SLC60A1: variants seen among roughly 807,000 people sequenced by gnomAD.
SLC60A1 encodes major facilitator superfamily domain containing 4.
the SLC60A1 span, among the ~76,000 whole-genome samples, chr1:205,578,846 C>T: frequency 6.6e-6 from 1 of 152,362 alleles, no homozygotes. Flanking sequence ...CCTCCAGAAC[C>T]TGCCTGCTGC....
chr1:205,576,040 G>A, the SLC60A1 span, among the ~76,000 whole-genome samples: 1 of 152,188 alleles, frequency 6.6e-6, no homozygotes, highest in Admixed American at 6.5e-5. Context: ...ATGAGGGACA[G>A]GACTCATGTC....
the SLC60A1 span, chr1:205,592,064 C>G: frequency 6.4e-7 from 1 of 1,574,062 alleles, no homozygotes; most frequent in Non-Finnish European, 8.7e-7. Context: ...CCAGGAGACG[C>G]CGACTCCTGG....
At chr1:205,577,299 AC>A in the SLC60A1 span, among the ~76,000 whole-genome samples, 24,526 of 152,028 alleles carry the variant, frequency 0.16, 2,028 homozygotes, top group South Asian at 0.19. The surrounding 1 kb of genome is among the most constrained non-coding windows in gnomAD (Gnocchi z 5.2). Context: ...AGTCCCTTCT[AC>A]CAGGCCACCC....
the SLC60A1 span, among the ~76,000 whole-genome samples, chr1:205,580,114 G>A: frequency 6.6e-6 from 1 of 152,166 alleles, no homozygotes; most frequent in Admixed American, 6.5e-5. This position sits in a 1 kb window ranked among gnomAD's most constrained non-coding sequence, Gnocchi z 5.0. Context: ...AGTGATCCCT[G>A]CCCTCACTGC....
chr1:205,597,875 G>A, the SLC60A1 span: 1 of 1,612,102 alleles, frequency 6.2e-7, no homozygotes, highest in South Asian at 1.1e-5. Flanking sequence ...GTAAGGGAGA[G>A]GGGAGCATTT....
chr1:205,586,030 A>G, the SLC60A1 span: 23 of 1,592,816 alleles, frequency 1.4e-5, no homozygotes, highest in Non-Finnish European at 2.0e-5. Flanking sequence ...CGGTCTCTCC[A>G]CAGGGTGCCT....
At chr1:205,586,526 C>T in the SLC60A1 span, among the ~76,000 whole-genome samples, 8 of 152,134 alleles carry the variant, frequency 5.3e-5, no homozygotes, top group Non-Finnish European at 7.4e-5. Flanking sequence ...TGGCTATGAG[C>T]GTGAGGAAAG....
the SLC60A1 span, chr1:205,583,954 G>T: frequency 6.2e-7 from 1 of 1,612,478 alleles, no homozygotes. Context: ...CTGCTCCCCA[G>T]CTTCCAGTGC....
chr1:205,574,902 C>T, the SLC60A1 span, among the ~76,000 whole-genome samples: 4 of 152,184 alleles, frequency 2.6e-5, no homozygotes, highest in African/African-American at 4.8e-5. Flanking sequence ...GTGGTCCTGC[C>T]GTAGCTTGGA....
the SLC60A1 span, among the ~76,000 whole-genome samples, chr1:205,569,617 G>A: frequency 5.3e-5 from 8 of 150,488 alleles, no homozygotes; most frequent in Non-Finnish European, 1.2e-4. Flanking sequence ...CCCACCCACC[G>A]CCCCGTGGGG....
the SLC60A1 span, among the ~76,000 whole-genome samples, chr1:205,571,777 A>T: frequency 6.6e-6 from 1 of 152,228 alleles, no homozygotes; most frequent in East Asian, 1.9e-4. Context: ...TGTCTCAGTT[A>T]AAATGCAATA....
the SLC60A1 span, among the ~76,000 whole-genome samples, chr1:205,570,226 C>G: frequency 6.6e-6 from 1 of 152,240 alleles, no homozygotes; most frequent in Non-Finnish European, 1.5e-5. Flanking sequence ...GCCAGATTCA[C>G]TCTCCCAGTG....
At chr1:205,580,516 C>T in the SLC60A1 span, 442 of 1,055,952 alleles carry the variant, frequency 4.2e-4, 2 homozygotes, top group Non-Finnish European at 5.7e-4. This position sits in a 1 kb window ranked among gnomAD's most constrained non-coding sequence, Gnocchi z 5.0. Flanking sequence ...CATTCCAGGG[C>T]TGGGCAACAG....
chr1:205,572,632 C>G, the SLC60A1 span, among the ~76,000 whole-genome samples: 4 of 152,128 alleles, frequency 2.6e-5, no homozygotes, highest in African/African-American at 9.7e-5. Context: ...GAACACAGGA[C>G]AAACCAGCTT....
At chr1:205,581,996 G>A in the SLC60A1 span, among the ~76,000 whole-genome samples, 11 of 152,200 alleles carry the variant, frequency 7.2e-5, no homozygotes, top group Non-Finnish European at 1.2e-4. This position sits in a 1 kb window ranked among gnomAD's most constrained non-coding sequence, Gnocchi z 4.2. Flanking sequence ...TCTACCTGCT[G>A]CCCCCTCATC....
At chr1:205,581,521 A>T in the SLC60A1 span, among the ~76,000 whole-genome samples, 1 of 152,164 alleles carries the variant, frequency 6.6e-6, no homozygotes, top group Non-Finnish European at 1.5e-5. This position sits in a 1 kb window ranked among gnomAD's most constrained non-coding sequence, Gnocchi z 4.2. Context: ...TGCTCTGCAA[A>T]CCCAAGTTGG....
At chr1:205,569,278 T>G in the SLC60A1 span, 1 of 1,545,502 alleles carries the variant, frequency 6.5e-7, no homozygotes, top group Non-Finnish European at 8.7e-7. Context: ...GGCAGCGCCC[T>G]CGGGGGCGTC....
the SLC60A1 span, among the ~76,000 whole-genome samples, chr1:205,589,050 G>C: frequency 1.4e-4 from 22 of 152,158 alleles, no homozygotes; most frequent in African/African-American, 4.8e-4. Flanking sequence ...AATAAGACTC[G>C]GGTGTCTTTC....
chr1:205,594,529 A>C, the SLC60A1 span, among the ~76,000 whole-genome samples: 4 of 151,670 alleles, frequency 2.6e-5, no homozygotes, highest in Non-Finnish European at 5.9e-5. Context: ...GGTGGCAGGC[A>C]CCTGTAATCC....
Sources: allele counts gnomAD v4.1 joint callset (sites outside exome capture counted in the v4.1 genomes callset), GRCh38; gene constraint gnomAD v4.1.1; non-coding constraint Gnocchi (gnomAD v3.1); transcripts MANE v1.5; gene names NCBI Gene and HGNC (gene_info 2026-07-23, HGNC 2026-07-21).